Variants in TTC1 observed in about 807,000 individuals in gnomAD.
The protein encoded by TTC1 is tetratricopeptide repeat domain 1.
A neutral mutation model predicts 37.6 loss-of-function variants in TTC1; 31 were observed. That is an observed-to-expected ratio of 0.82 (90% CI 0.62 to 1.11). The LOEUF is 1.11. Among genes scored for constraint, TTC1 ranks in the 50% most tolerant of loss-of-function variants. The pLI, the probability that TTC1 is intolerant of heterozygous loss-of-function variation, is 0.00. For missense variants in TTC1, 351 were observed against 339.0 expected, an observed-to-expected ratio of 1.04 and a Z score of -0.28; for synonymous variants, 127 against 122.4, an observed-to-expected ratio of 1.04 and a Z score of -0.25.
intron 7 of TTC1, among the ~76,000 whole-genome samples, chr5:160,060,247 GT>G (rs1010422664): frequency 1.1e-4 from 17 of 152,216 alleles, no homozygotes; most frequent in African/African-American, 3.6e-4. Flanking sequence ...AGCATTCCTG[GT>G]TATGCTCAGG....
chr5:160,023,940 C>T, intron 2 of TTC1: 1 of 1,570,206 alleles, frequency 6.4e-7, no homozygotes, highest in South Asian at 1.1e-5. Flanking sequence ...TCTTCCTTTT[C>T]CTCTTCCTCA....
intron 4 of TTC1, 127 bp from the exon 5 acceptor site, chr5:160,043,006 C>A: frequency 1.0e-6 from 1 of 962,498 alleles, no homozygotes; most frequent in South Asian, 2.1e-5. Flanking sequence ...CAGGTTTTTA[C>A]GTAATTTCTT....
chr5:160,028,703 G>A (rs1041504931), intron 2 of TTC1, among the ~76,000 whole-genome samples: 2 of 151,956 alleles, frequency 1.3e-5, no homozygotes, highest in African/African-American at 4.8e-5. Flanking sequence ...CTAAACTCCT[G>A]ACTCAGCCAG....
intron 4 of TTC1, among the ~76,000 whole-genome samples, chr5:160,040,147 C>G (rs1377776171): frequency 6.6e-6 from 1 of 152,114 alleles, no homozygotes; most frequent in African/African-American, 2.4e-5. Flanking sequence ...TTACTATAGG[C>G]AGTTGGAACA....
At chr5:160,062,494 C>CTGA (rs1292317612) in intron 7 of TTC1, among the ~76,000 whole-genome samples, 9 of 152,242 alleles carry the variant, frequency 5.9e-5, no homozygotes, top group African/African-American at 2.2e-4. Context: ...CCCCACTAGA[C>CTGA]TGAGCATTGT....
At chr5:160,014,241 G>A (rs141634528) in intron 2 of TTC1, among the ~76,000 whole-genome samples, 15 of 151,710 alleles carry the variant, frequency 9.9e-5, no homozygotes, top group Non-Finnish European at 1.8e-4. Context: ...TCCTGTAATC[G>A]CAACTACTCA....
intron 7 of TTC1, chr5:160,062,097 C>G (rs767001637): frequency 1.3e-5 from 2 of 152,238 alleles, no homozygotes; most frequent in Non-Finnish European, 2.9e-5. Flanking sequence ...CTGTCCCCTG[C>G]ATTTGGAGAA....
At chr5:160,035,112 AATT>A in intron 2 of TTC1, 25 bp from the exon 3 acceptor site, 1 of 1,571,804 alleles carries the variant, frequency 6.4e-7, no homozygotes, top group Non-Finnish European at 8.6e-7. Flanking sequence ...TATTGTGAGA[AATT>A]ATGTAATTCT....
chr5:160,058,823 GT>G (rs528284031), intron 7 of TTC1, among the ~76,000 whole-genome samples: 59 of 152,284 alleles, frequency 3.9e-4, no homozygotes, highest in Middle Eastern at 3.4e-3. Flanking sequence ...TAATCTCCTT[GT>G]TCATCTCAGA....
chr5:160,014,070 T>C (rs144318304), intron 2 of TTC1, among the ~76,000 whole-genome samples: 108 of 152,112 alleles, frequency 7.1e-4, no homozygotes, highest in African/African-American at 2.4e-3. Flanking sequence ...TTAATTTAAA[T>C]AGTCATACGG....
At chr5:160,043,044 A>G in intron 4 of TTC1, 89 bp from the exon 5 acceptor site, 2 of 1,303,678 alleles carry the variant, frequency 1.5e-6, no homozygotes, top group South Asian at 2.8e-5. Flanking sequence ...CTCCATAAGC[A>G]GTTATTAGTG....
rs189150975 is a variant in TTC1, at chr5:160,051,427, A to G, written c.745+244A>G. ...TTTTCTTGCCTGCAAGAATTTAAGCATAATTCAGTTCCCTGGGATTATGCT... is the reference window on the plus strand; with the variant it reads ...TTTTCTTGCCTGCAAGAATTTAAGCGTAATTCAGTTCCCTGGGATTATGCT... On this transcript the variant is annotated intron_variant, in intron 7 of 7. Transcript: ENST00000231238. Among the ~76,000 whole-genome samples, 7 of 152,324 alleles carry G rather than the reference A, an allele frequency of 4.6e-5. No homozygotes were observed. In the East Asian group the frequency reaches 1.2e-3, roughly 25 times the overall value.
chr5:160,041,403 C>T (rs576163417), intron 4 of TTC1, among the ~76,000 whole-genome samples: 43 of 151,644 alleles, frequency 2.8e-4, no homozygotes, highest in South Asian at 1.0e-3. Flanking sequence ...CTCTGCCTCC[C>T]GGTTTCAAGC....
In TTC1 at chr5:160,063,922, A is replaced by C. The variant is rs1468384672; in HGVS notation, c.746-1010A>C. Reference sequence around the variant, plus strand: ...TTCCCAAAGTGCTGGGAATACAGGCATGAGTCACCATGCTTGGCAAGAACC... The same window carrying C: ...TTCCCAAAGTGCTGGGAATACAGGCCTGAGTCACCATGCTTGGCAAGAACC... On this transcript the variant is annotated intron_variant, in intron 7 of 7. Coordinates refer to ENST00000231238, the MANE Select transcript of TTC1 (RefSeq NM_003314.3). 2.0e-5 allele frequency among the ~76,000 whole-genome samples: 3 copies of C among 150,370 alleles called. 1 individual carries two copies. The South Asian group carries it at 6.3e-4, about 32-fold the overall frequency.
intron 2 of TTC1, among the ~76,000 whole-genome samples, chr5:160,029,069 T>C (rs1002850486): frequency 3.3e-5 from 5 of 152,192 alleles, no homozygotes; most frequent in Admixed American, 1.3e-4. Context: ...ATGATATTTG[T>C]ATAGTAATTT....
chr5:160,016,435 C>G (rs1378910731), intron 2 of TTC1, among the ~76,000 whole-genome samples: 1 of 151,958 alleles, frequency 6.6e-6, no homozygotes, highest in African/African-American at 2.4e-5. Flanking sequence ...TAGGTATTGA[C>G]CTGGGAAGCT....
intron 7 of TTC1, among the ~76,000 whole-genome samples, chr5:160,064,535 C>T (rs938776869): frequency 6.6e-6 from 1 of 152,204 alleles, no homozygotes; most frequent in Non-Finnish European, 1.5e-5. Flanking sequence ...GGGACCTCTG[C>T]CCTCACTACC....
chr5:160,058,007 T>C (rs1414684904), intron 7 of TTC1, among the ~76,000 whole-genome samples: 3 of 152,254 alleles, frequency 2.0e-5, no homozygotes, highest in Non-Finnish European at 4.4e-5. Context: ...ACTCAGGTGA[T>C]TGGCCTGCCT....
intron 5 of TTC1, among the ~76,000 whole-genome samples, chr5:160,044,362 T>A (rs1367786094): frequency 6.6e-6 from 1 of 152,198 alleles, no homozygotes. Flanking sequence ...AACAAAAGAA[T>A]GGCTACTCCA....
Sources: allele counts gnomAD v4.1 joint callset (sites outside exome capture counted in the v4.1 genomes callset), GRCh38; gene constraint gnomAD v4.1.1; transcripts MANE v1.5; gene names NCBI Gene and HGNC (gene_info 2026-07-23, HGNC 2026-07-21).